ZNF207: variants seen among roughly 807,000 people sequenced by gnomAD.
ZNF207 encodes the protein zinc finger protein 207.
A neutral mutation model predicts 60.2 loss-of-function variants in ZNF207; 24 were observed. The ratio of observed to expected loss-of-function variants is 0.40; its 90% CI spans 0.29 to 0.56. ZNF207 has a LOEUF of 0.56. Among genes scored for constraint, ZNF207 ranks in the 20% least tolerant of loss-of-function variants. The probability of loss-of-function intolerance (pLI) is 0.49; values close to 1 mark genes in which losing one functional copy is unlikely to be tolerated. For missense variants in ZNF207, 452 were observed against 636.6 expected (o/e 0.71, Z 3.12); for synonymous variants, 236 against 194.7 (o/e 1.21, Z -1.77).
chr17:32,371,543 G>A lies in ZNF207; in HGVS notation c.*1784G>A, dbSNP rs528489737. On this transcript the variant is annotated 3_prime_UTR_variant, in exon 12 of 12. Transcript: ENST00000394670. The stretch of plus-strand genomic sequence containing the variant: ...ATGGGAGGATTGCTTGAGTCCAGGA[G>A]TTTGAGACCAGCCTGGCCAACATGG... 18 of 152,016 alleles carry A rather than the reference G, an allele frequency of 1.2e-4. No homozygotes were observed. The highest frequency in any genetic ancestry group is 4.1e-4 in the African/African-American group (17 of 41,412). 9.4% of individuals were successfully genotyped at this position (152,016 alleles called of 1,614,324 possible).
chr17:32,380,644 A>G lies in ZNF207; in HGVS notation c.*10885A>G, dbSNP rs916277801. 6 of 152,220 alleles carry G rather than the reference A, an allele frequency of 3.9e-5. No individual in the cohort carries two copies. Among genetic ancestry groups the G allele is most frequent in the Non-Finnish European group, 8.8e-5 (6 of 68,042 alleles). The allele number at this position is 152,220 out of a possible 1,614,324, so 9.4% of individuals were successfully genotyped here. A position where few individuals can be genotyped will look rare whatever the true frequency, so the allele number is the denominator to read the frequency against. ...ATTAGAGGAATCAGTTAATAATAGT[A>G]AAGTGGTATTAACCCAATACTTGAT... On this transcript the variant is annotated 3_prime_UTR_variant, in exon 12 of 12. Transcript: ENST00000394670.
Position 32,378,041 on chromosome 17 carries a change from A to T in ZNF207, c.*8282A>T, listed in dbSNP as rs1408975137. ...TTTTTCAAACATATCCATATAACTC[A>T]CACAAGGAAGAAAGCTGTGCGGTTA... On this transcript the variant is annotated 3_prime_UTR_variant, in exon 12 of 12. Transcript: ENST00000394670. The T allele has an allele frequency of 6.6e-6, 1 of 152,448 alleles. No individual in the cohort carries two copies. The highest frequency in any genetic ancestry group is 2.4e-5 in the African/African-American group (1 of 41,442). 9.4% of individuals were successfully genotyped at this position (152,448 alleles called of 1,614,324 possible). A position where few individuals can be genotyped will look rare whatever the true frequency, so the allele number is the denominator to read the frequency against.
At chr17:32,368,730 C>T (rs556382806) in intron 10 of ZNF207, 11 of 150,460 alleles carry the variant, frequency 7.3e-5, no homozygotes, top group African/African-American at 7.4e-5. Context: ...TGGCCGGGCG[C>T]GCAGTGGCTC....
At chr17:32,351,326 G>A (rs2041503110) in intron 1 of ZNF207, 1 of 494,134 alleles carries the variant, frequency 2.0e-6, no homozygotes. Flanking sequence ...TGTGATTATT[G>A]TTCACCATAT....
At chr17:32,351,114 GT>G (rs2041498884) in intron 1 of ZNF207, 1 of 161,216 alleles carries the variant, frequency 6.2e-6, no homozygotes, top group Non-Finnish European at 1.4e-5. Flanking sequence ...TTATGTAACA[GT>G]TTTAAAAATA....
intron 1 of ZNF207, chr17:32,350,956 T>G (rs1008345228): frequency 6.6e-6 from 1 of 152,078 alleles, no homozygotes; most frequent in African/African-American, 2.4e-5. Context: ...TACCCAACTT[T>G]GTAGGACTAA....
Position 32,358,664 on chromosome 17 carries a change from T to G in ZNF207, c.307+23T>G, listed in dbSNP as rs1038798019. Reference sequence around the variant, plus strand: ...AAGGTAAATATTGGGATAAGTTTTATTTTATTTATTTATTTTTTTTAATTT... The same window carrying G: ...AAGGTAAATATTGGGATAAGTTTTAGTTTATTTATTTATTTTTTTTAATTT... On this transcript the variant is annotated intron_variant, in intron 3 of 11. Coordinates refer to ENST00000394670, the MANE Select transcript of ZNF207 (RefSeq NM_001098507.2). 5.7e-6 allele frequency: 8 copies of G among 1,403,492 alleles called. No individual in the cohort carries two copies. In the African/African-American group the frequency reaches 9.0e-5, roughly 16 times the overall value. 86.9% of individuals were successfully genotyped at this position (1,403,492 alleles called of 1,614,324 possible).
At chr17:32,362,083 G>C (rs768358174) in intron 6 of ZNF207, among the ~76,000 whole-genome samples, 3 of 151,666 alleles carry the variant, frequency 2.0e-5, no homozygotes, top group African/African-American at 4.8e-5. Flanking sequence ...TTTTACTTTT[G>C]AGTGTCTTTA....
rs201118491 is a variant in ZNF207, at chr17:32,365,492, G to T, written c.828+5G>T. ...CTTTTCCCCAGTGCTGGACAGGTAA[G>T]GTGAAAATCCTGAAAAGGAGTGCAC... is the stretch of plus-strand genomic sequence containing the variant. On this transcript the variant is annotated splice_donor_5th_base_variant and intron_variant, in intron 8 of 11. Transcript: ENST00000394670. 7.9e-5 allele frequency: 128 copies of T among 1,613,244 alleles called. No individual in the cohort carries two copies. The African/African-American group carries it at 1.7e-3, about 21-fold the overall frequency.
At chr17:32,367,239 TTATATATA>T (rs10525886) in intron 9 of ZNF207, among the ~76,000 whole-genome samples, 777 of 32,136 alleles carry the variant, frequency 0.024, 7 homozygotes, top group Middle Eastern at 0.065. Flanking sequence ...TTGGAGGGGA[TTATATATA>T]TATATATATA....
At position 32,381,291 on chromosome 17, in the gene ZNF207, C is replaced by G. The variant is rs1240956063; in HGVS notation, c.*11532C>G. The G allele has an allele frequency of 6.6e-6, 1 of 152,156 alleles. No individual in the cohort carries two copies. Among genetic ancestry groups the G allele is most frequent in the African/African-American group, 2.4e-5 (1 of 41,430 alleles). The allele number at this position is 152,156 out of a possible 1,614,324, so 9.4% of individuals were successfully genotyped here. A position where few individuals can be genotyped will look rare whatever the true frequency, so the allele number is the denominator to read the frequency against. ...GATATGATTGTAAGGAGGTCCTGAACAAAGCATGATAAATGTTAGTCCATG... is the reference window on the plus strand; with the variant it reads ...GATATGATTGTAAGGAGGTCCTGAAGAAAGCATGATAAATGTTAGTCCATG... On this transcript the variant is annotated 3_prime_UTR_variant, in exon 12 of 12. Coordinates refer to ENST00000394670, the MANE Select transcript of ZNF207 (RefSeq NM_001098507.2).
chr17:32,358,788 A>T, intron 3 of ZNF207, 147 bp downstream of exon 3: 1 of 608,406 alleles, frequency 1.6e-6, no homozygotes, highest in Non-Finnish European at 2.4e-6. Context: ...GGTTTAAGTG[A>T]TTGTTTGTTT....
intron 5 of ZNF207, 29 bp downstream of exon 5, chr17:32,360,996 G>A (rs1904849517): frequency 6.2e-7 from 1 of 1,602,738 alleles, no homozygotes; most frequent in Admixed American, 1.7e-5. Flanking sequence ...TTGCCCTGTA[G>A]GCTTGTGCCT....
chr17:32,376,563 C>T lies in ZNF207; in HGVS notation c.*6804C>T, dbSNP rs1021921717. On this transcript the variant is annotated 3_prime_UTR_variant, in exon 12 of 12. Coordinates refer to ENST00000394670, the MANE Select transcript of ZNF207 (RefSeq NM_001098507.2). ...GGGAAAATGTCTTTATTTTACTAAGCGGAAGTAGTAGTCATATTGAGGCAG... is the reference window on the plus strand; with the variant it reads ...GGGAAAATGTCTTTATTTTACTAAGTGGAAGTAGTAGTCATATTGAGGCAG... The T allele has an allele frequency of 2.6e-5, 4 of 151,898 alleles. No homozygotes were observed. Among genetic ancestry groups the T allele is most frequent in the South Asian group, 2.1e-4 (1 of 4,816 alleles). 9.4% of individuals were successfully genotyped at this position (151,898 alleles called of 1,614,324 possible).
chr17:32,365,279 C>A lies in ZNF207; in HGVS notation c.671-51C>A, dbSNP rs749111689. On this transcript the variant is annotated intron_variant, in intron 7 of 11. Transcript: ENST00000394670. ...TTTGTAGTATAGAAGCGTTTTTTTCCACACTAAATTTTTCAGTGACTCAAT... is the reference window on the plus strand; with the variant it reads ...TTTGTAGTATAGAAGCGTTTTTTTCAACACTAAATTTTTCAGTGACTCAAT... 3.5e-5 allele frequency: 55 copies of A among 1,562,966 alleles called. 1 individual carries two copies. The South Asian group carries it at 6.4e-4, about 18-fold the overall frequency.
At position 32,379,631 on chromosome 17, in the gene ZNF207, G is replaced by T. The variant is rs1905806344; in HGVS notation, c.*9872G>T. On this transcript the variant is annotated 3_prime_UTR_variant, in exon 12 of 12. Transcript: ENST00000394670. ...AAGCTGTTGTTGTGGTGATTCATGA[G>T]CAGTAAGCTGGAGTTAGAGTGGAAG... The T allele has an allele frequency of 6.6e-6, 1 of 152,094 alleles. No homozygotes were observed. The highest frequency in any genetic ancestry group is 2.1e-4 in the South Asian group (1 of 4,828). 9.4% of individuals were successfully genotyped at this position (152,094 alleles called of 1,614,324 possible).
chr17:32,361,110 T>C, intron 5 of ZNF207, 143 bp downstream of exon 5: 3 of 859,328 alleles, frequency 3.5e-6, no homozygotes, highest in Non-Finnish European at 5.3e-6. Context: ...AATAAAGGGA[T>C]CAACCAGTAA....
intron 1 of ZNF207, 95 bp from the exon 2 acceptor site, chr17:32,351,691 T>C (rs776330827): frequency 6.2e-7 from 1 of 1,609,520 alleles, no homozygotes; most frequent in South Asian, 1.1e-5. Flanking sequence ...ACCATTTTGG[T>C]TTTAGCTGTT....
chr17:32,368,040 G>A, intron 10 of ZNF207, 26 bp downstream of exon 10: 1 of 1,612,226 alleles, frequency 6.2e-7, no homozygotes, highest in Admixed American at 1.7e-5. Flanking sequence ...TTTTCTACGA[G>A]CAGCATTTGA....
Sources: allele counts gnomAD v4.1 joint callset (sites outside exome capture counted in the v4.1 genomes callset), GRCh38; gene constraint gnomAD v4.1.1; transcripts MANE v1.5; gene names NCBI Gene and HGNC (gene_info 2026-07-23, HGNC 2026-07-21).